Variants in PLA2G4D observed in about 807,000 individuals in gnomAD.
PLA2G4D encodes the protein cytosolic phospholipase A2 delta.
Under a neutral mutation model 94.4 loss-of-function variants are expected in PLA2G4D, and 80 were observed. That is an observed-to-expected ratio of 0.85 (90% CI 0.71 to 1.02). PLA2G4D has a LOEUF of 1.02. PLA2G4D is among the 50% of genes least tolerant of loss of function. The pLI, the probability that PLA2G4D is intolerant of heterozygous loss-of-function variation, is 0.00. For missense variants in PLA2G4D, 1,050 were observed against 1,034.7 expected (o/e 1.01, Z -0.20); for synonymous variants, 438 against 440.9 (o/e 0.99, Z 0.08).
chr15:42,091,024 C>T (rs1029011488), intron 1 of PLA2G4D, among the ~76,000 whole-genome samples: 39 of 152,244 alleles, frequency 2.6e-4, no homozygotes, highest in African/African-American at 9.2e-4. Context: ...ATTGCCCTGG[C>T]GGCCTGTCAT....
At position 42,087,297 on chromosome 15, in the gene PLA2G4D, C is replaced by A. The variant is rs1890168219; in HGVS notation, c.255+3G>T. On this transcript the variant is annotated splice_donor_region_variant and intron_variant, in intron 3 of 19. Coordinates refer to ENST00000290472, the MANE Select transcript of PLA2G4D (RefSeq NM_178034.4). ...GGAGTGGCCAGGAGTCCCGGGCCTTCACCTTGACCTGACTTTGGATAAGGA... is the reference window on the plus strand; with the variant it reads ...GGAGTGGCCAGGAGTCCCGGGCCTTAACCTTGACCTGACTTTGGATAAGGA... The A allele has an allele frequency of 1.6e-5, 26 of 1,613,936 alleles. No homozygotes were observed. In the South Asian group the frequency reaches 2.5e-4, roughly 16 times the overall value.
intron 16 of PLA2G4D, 28 bp from the exon 17 acceptor site, chr15:42,071,345 C>CCTTCTTCCCCTTA: frequency 6.4e-7 from 1 of 1,566,090 alleles, no homozygotes; most frequent in Non-Finnish European, 8.6e-7. Context: ...GAAATTGGTC[C>CCTTCTTCCCCTTA]CTTCTTCCCC....
At chr15:42,094,153 T>C (rs1034067834) in intron 1 of PLA2G4D, among the ~76,000 whole-genome samples, 1 of 152,022 alleles carries the variant, frequency 6.6e-6, no homozygotes, top group African/African-American at 2.4e-5. Context: ...CCGATGATGG[T>C]GGGGGAGAGG....
rs372461493 is a variant in PLA2G4D at position 42,070,212 on chromosome 15, G to T, written c.2044-117C>A. 419 of 1,070,802 alleles carry T rather than the reference G, an allele frequency of 3.9e-4. 4 individuals carry two copies. In the East Asian group the frequency reaches 0.011, roughly 29 times the overall value. The allele number at this position is 1,070,802 out of a possible 1,614,324, so 66.3% of individuals were successfully genotyped here. A position where few individuals can be genotyped will look rare whatever the true frequency, so the allele number is the denominator to read the frequency against. On this transcript the variant is annotated intron_variant, in intron 18 of 19. Coordinates refer to ENST00000290472, the MANE Select transcript of PLA2G4D (RefSeq NM_178034.4). ...ACAACAGCCTGGCTCTGTCCTGTTT[G>T]TGGTCGGGCCAAGCTGCAGAGTGAC...
At chr15:42,081,866 C>T in intron 9 of PLA2G4D, 32 bp from the exon 10 acceptor site, 2 of 1,613,902 alleles carry the variant, frequency 1.2e-6, no homozygotes, top group Non-Finnish European at 8.5e-7. Flanking sequence ...CTGCTCAGAC[C>T]CTCCTAGACC....
chr15:42,078,498 A>G (rs1051311403), intron 13 of PLA2G4D, among the ~76,000 whole-genome samples: 3 of 152,266 alleles, frequency 2.0e-5, no homozygotes, highest in Non-Finnish European at 2.9e-5. Context: ...TGAGATTTGC[A>G]TAATGAATAT....
intron 15 of PLA2G4D, 54 bp from the exon 16 acceptor site, chr15:42,071,605 C>A: frequency 6.5e-7 from 1 of 1,549,984 alleles, no homozygotes; most frequent in Non-Finnish European, 8.8e-7. Flanking sequence ...GCCCCACCCT[C>A]AGGTACTGAT....
At chr15:42,083,856 C>A in intron 6 of PLA2G4D, 77 bp from the exon 7 acceptor site, 1 of 1,441,088 alleles carries the variant, frequency 6.9e-7, no homozygotes, top group Non-Finnish European at 9.7e-7. Flanking sequence ...CTCTGAGACC[C>A]ACTGTCCCAA....
intron 1 of PLA2G4D, among the ~76,000 whole-genome samples, chr15:42,094,186 C>T (rs952026490): frequency 8.5e-5 from 13 of 152,138 alleles, no homozygotes; most frequent in Middle Eastern, 3.2e-3. Context: ...CTGCTGTGGT[C>T]GCTGGTGGTG....
Position 42,086,194 on chromosome 15 carries a change from T to TTGGGGGGGCCCC in PLA2G4D, c.387+18_387+19insGGGGCCCCCCCA. The TTGGGGGGGCCCC allele has an allele frequency of 7.3e-7, 1 of 1,370,444 alleles. No individual in the cohort carries two copies. The highest frequency in any genetic ancestry group is 9.6e-7 in the Non-Finnish European group (1 of 1,043,084). 84.9% of individuals were successfully genotyped at this position (1,370,444 alleles called of 1,614,324 possible). On this transcript the variant is annotated intron_variant, in intron 4 of 19. Transcript: ENST00000290472. ...GGAAGAAGTGGGGCCCACGGGGACT[T>TTGGGGGGGCCCC]CCCCACCCACCCACCCACCTGGGGA... is the stretch of plus-strand genomic sequence containing the variant.
chr15:42,093,808 G>T (rs28716981), intron 1 of PLA2G4D, among the ~76,000 whole-genome samples: 1,889 of 152,262 alleles, frequency 0.012, 41 homozygotes, highest in East Asian at 0.11. Context: ...CTCATTCCTG[G>T]CCACCACCTG....
At chr15:42,078,928 T>C (rs1158172752) in intron 13 of PLA2G4D, among the ~76,000 whole-genome samples, 5 of 152,220 alleles carry the variant, frequency 3.3e-5, no homozygotes, top group African/African-American at 1.2e-4. Context: ...AGCATTGTAA[T>C]TTTTTTAAAA....
At chr15:42,090,319 G>A (rs377577827) in intron 1 of PLA2G4D, among the ~76,000 whole-genome samples, 4 of 152,296 alleles carry the variant, frequency 2.6e-5, no homozygotes, top group African/African-American at 9.6e-5. Context: ...TTAAGTATTT[G>A]CCATGTTTTC....
At chr15:42,087,847 G>A (rs765977321) in intron 1 of PLA2G4D, 147 bp from the exon 2 acceptor site, 4 of 773,308 alleles carry the variant, frequency 5.2e-6, no homozygotes, top group Non-Finnish European at 8.3e-6. Context: ...ACACCCTCTG[G>A]GGACCAAAGA....
rs2141089653 is a variant in PLA2G4D at position 42,067,186 on chromosome 15, G to C, written c.*1529C>G. 1 of 152,254 alleles carries C rather than the reference G, an allele frequency of 6.6e-6. No individual in the cohort carries two copies. Among genetic ancestry groups the C allele is most frequent in the South Asian group, 2.1e-4 (1 of 4,820 alleles). 9.4% of individuals were successfully genotyped at this position (152,254 alleles called of 1,614,324 possible). ...AGCTCTCACTACAACCCCCACCTGGGGCCAGGTGTGTGTGTGTGTGTATGT... is the reference window on the plus strand; with the variant it reads ...AGCTCTCACTACAACCCCCACCTGGCGCCAGGTGTGTGTGTGTGTGTATGT... On this transcript the variant is annotated 3_prime_UTR_variant, in exon 20 of 20. Transcript: ENST00000290472.
In PLA2G4D at chr15:42,087,644, C is replaced by A. The variant is rs1232035047; in HGVS notation, c.102G>T (p.Leu34=). 6.2e-7 allele frequency: 1 copy of A among 1,614,064 alleles called. No homozygotes were observed. The highest frequency in any genetic ancestry group is 8.5e-7 in the Non-Finnish European group (1 of 1,180,036). ...GTTACTCACACAGGTCAGCCCAGCG[C>A]AGGTTCCGCGCCTCCAGGACCCTCA... ...LTVRVLEARN[L]RWADLLSEAD... Residue 34 remains leucine, a synonymous_variant, in exon 2 of 20, where the codon CTG becomes CTT. Coordinates refer to ENST00000290472, the MANE Select transcript of PLA2G4D (RefSeq NM_178034.4).
At chr15:42,085,628 T>A in intron 4 of PLA2G4D, 97 bp from the exon 5 acceptor site, 1 of 1,271,884 alleles carries the variant, frequency 7.9e-7, no homozygotes, top group Non-Finnish European at 1.1e-6. Context: ...TCTCAAGCGG[T>A]CTCCAAGGGA....
Position 42,084,957 on chromosome 15 carries a change from T to A in PLA2G4D, c.471+139A>T. ...AGACCCACAGCCACAGGTGACCACC[T>A]GGCTGGAAGGCTAGGGGTGGTTTTA... On this transcript the variant is annotated intron_variant, in intron 6 of 19. Coordinates refer to ENST00000290472, the MANE Select transcript of PLA2G4D (RefSeq NM_178034.4). The surrounding 1 kb of genome is among the most constrained non-coding windows in gnomAD (Gnocchi z 4.8). 2.1e-6 allele frequency: 2 copies of A among 941,364 alleles called. No individual in the cohort carries two copies. The highest frequency in any genetic ancestry group is 2.6e-5 in the East Asian group (1 of 39,100). The allele number at this position is 941,364 out of a possible 1,614,324, so 58.3% of individuals were successfully genotyped here.
chr15:42,070,637 A>G (rs1303435439), intron 18 of PLA2G4D, 80 bp downstream of exon 18: 2 of 1,446,306 alleles, frequency 1.4e-6, no homozygotes, highest in Non-Finnish European at 1.9e-6. Context: ...GGTGTGGGGC[A>G]GGGGCTCAGT....
Sources: allele counts gnomAD v4.1 joint callset (sites outside exome capture counted in the v4.1 genomes callset), GRCh38; gene constraint gnomAD v4.1.1; non-coding constraint Gnocchi (gnomAD v3.1); transcripts MANE v1.5; gene names NCBI Gene and HGNC (gene_info 2026-07-23, HGNC 2026-07-21).